Variants in ABI2 observed in about 807,000 individuals in gnomAD.
ABI2 encodes abl interactor 2, also known as abelson interactor 2.
Under a neutral mutation model 59.2 loss-of-function variants are expected in ABI2, and 25 were observed. That is an observed-to-expected ratio of 0.42 (90% CI 0.31 to 0.59). ABI2 has a LOEUF of 0.59. Among genes scored for constraint, ABI2 ranks in the 20% least tolerant of loss-of-function variants. The pLI, the probability that ABI2 is intolerant of heterozygous loss-of-function variation, is 0.14. For missense variants in ABI2, 545 were observed against 681.8 expected, an observed-to-expected ratio of 0.80 and a Z score of 2.23; for synonymous variants, 213 against 235.5, an observed-to-expected ratio of 0.90 and a Z score of 0.87.
intron 2 of ABI2, among the ~76,000 whole-genome samples, chr2:203,378,268 A>G (rs977062966): frequency 1.3e-5 from 2 of 151,944 alleles, no homozygotes; most frequent in East Asian, 1.9e-4. Flanking sequence ...ACCCGCCACC[A>G]TGCCCGGCTA....
chr2:203,406,494 G>C (rs998027), intron 9 of ABI2, among the ~76,000 whole-genome samples: 112,063 of 152,036 alleles, frequency 0.74, 42,419 homozygotes, highest in Middle Eastern at 0.87. Context: ...TTTTAAAAGC[G>C]ACTAAAAAAA....
At chr2:203,362,433 T>C (rs2093645662) in intron 1 of ABI2, among the ~76,000 whole-genome samples, 1 of 152,342 alleles carries the variant, frequency 6.6e-6, no homozygotes, top group Non-Finnish European at 1.5e-5. Context: ...TTCATGTAAT[T>C]GGGAGTGTAT....
intron 6 of ABI2, among the ~76,000 whole-genome samples, chr2:203,395,423 T>C (rs1367395293): frequency 1.1e-5 from 1 of 87,044 alleles, no homozygotes; most frequent in Non-Finnish European, 2.6e-5. Context: ...TCAACTTTAT[T>C]AATAAGTAAA....
chr2:203,406,084 C>G (rs180928781), intron 9 of ABI2, among the ~76,000 whole-genome samples: 1 of 152,126 alleles, frequency 6.6e-6, no homozygotes, highest in Non-Finnish European at 1.5e-5. Flanking sequence ...ATAGGAATAC[C>G]AATTTATCAT....
intron 1 of ABI2, among the ~76,000 whole-genome samples, chr2:203,354,044 T>C (rs564402661): frequency 6.6e-6 from 1 of 152,216 alleles, no homozygotes; most frequent in South Asian, 2.1e-4. Context: ...GATTAGATTT[T>C]ATTTATTTAT....
intron 8 of ABI2, among the ~76,000 whole-genome samples, chr2:203,400,079 CTTTTTTTTTTTTTT>C (rs10581610): frequency 1.0e-4 from 6 of 59,548 alleles, no homozygotes; most frequent in East Asian, 5.6e-4. Context: ...TGAATAGTGT[CTTTTTTTTTTTTTT>C]TTTTTTTTTT....
chr2:203,338,958 ATATAAAT>A (rs2078033946), intron 1 of ABI2, among the ~76,000 whole-genome samples: 3 of 5,950 alleles, frequency 5.0e-4, no homozygotes, highest in African/African-American at 1.5e-3. Context: ...ATATATATAT[ATATAAAT>A]ATATATATAT....
intron 1 of ABI2, among the ~76,000 whole-genome samples, chr2:203,365,424 T>A (rs1034225574): frequency 1.3e-5 from 2 of 152,204 alleles, no homozygotes; most frequent in African/African-American, 4.8e-5. Context: ...ACATGAATAT[T>A]CTTGTCTGTA....
intron 1 of ABI2, among the ~76,000 whole-genome samples, chr2:203,364,698 T>C (rs180918039): frequency 1.3e-5 from 2 of 152,260 alleles, no homozygotes; most frequent in Admixed American, 1.3e-4. Flanking sequence ...TTAAAGTTTC[T>C]ATTCTTTTAT....
intron 2 of ABI2, among the ~76,000 whole-genome samples, chr2:203,376,450 C>T (rs1045816636): frequency 5.3e-5 from 8 of 152,148 alleles, no homozygotes; most frequent in Admixed American, 5.2e-4. Flanking sequence ...TATAGCCAAA[C>T]TAAATTATTT....
rs1285374685 is a variant in ABI2 at position 203,328,475 on chromosome 2, C to T, written c.-40C>T. 3.9e-6 allele frequency: 6 copies of T among 1,525,866 alleles called. No individual in the cohort carries two copies. The highest frequency in any genetic ancestry group is 1.2e-5 in the South Asian group (1 of 84,698). 94.5% of individuals were successfully genotyped at this position (1,525,866 alleles called of 1,614,324 possible). ...CTTGGCGCTGCGGCCGCCGCTCCCT[C>T]TGCGACCTGTATGAGGAGGAGGAGG... On this transcript the variant is annotated 5_prime_UTR_variant, in exon 1 of 12. Coordinates refer to ENST00000261018, the MANE Select transcript of ABI2 (RefSeq NM_001375670.1).
intron 11 of ABI2, among the ~76,000 whole-genome samples, chr2:203,423,760 T>A (rs1002454575): frequency 6.6e-6 from 1 of 152,224 alleles, no homozygotes; most frequent in Non-Finnish European, 1.5e-5. Context: ...ACCATTATTC[T>A]TTGCTTATCT....
chr2:203,350,479 A>G (rs548015899), intron 1 of ABI2, among the ~76,000 whole-genome samples: 3 of 151,608 alleles, frequency 2.0e-5, no homozygotes, highest in African/African-American at 7.3e-5. Flanking sequence ...TCTCCCTAGT[A>G]GCTAGGACTA....
chr2:203,373,492 G>A (rs939393455), intron 2 of ABI2, among the ~76,000 whole-genome samples: 2 of 150,176 alleles, frequency 1.3e-5, no homozygotes, highest in African/African-American at 5.0e-5. Flanking sequence ...GTGGGGAGAG[G>A]GAGAGGGAGA....
chr2:203,333,034 TCTC>T (rs1374505020), intron 1 of ABI2, among the ~76,000 whole-genome samples: 1 of 152,192 alleles, frequency 6.6e-6, no homozygotes, highest in Non-Finnish European at 1.5e-5. Flanking sequence ...TTCCTTTTCT[TCTC>T]TTAATCAATG....
intron 11 of ABI2, among the ~76,000 whole-genome samples, chr2:203,423,890 A>G (rs146698450): frequency 0.016 from 2,390 of 152,350 alleles, 26 homozygotes; most frequent in Non-Finnish European, 0.024. Flanking sequence ...AATGTATTCA[A>G]TTGAAATGCT....
chr2:203,359,880 G>T (rs1248662586), intron 1 of ABI2, among the ~76,000 whole-genome samples: 2 of 151,954 alleles, frequency 1.3e-5, no homozygotes, highest in Non-Finnish European at 2.9e-5. Context: ...CTATAGCAAT[G>T]AATATTTAGA....
chr2:203,330,561 G>A (rs937339370), intron 1 of ABI2, among the ~76,000 whole-genome samples: 1 of 152,122 alleles, frequency 6.6e-6, no homozygotes, highest in Non-Finnish European at 1.5e-5. Flanking sequence ...TGCACTGCTG[G>A]TACCAAGGAG....
intron 8 of ABI2, among the ~76,000 whole-genome samples, chr2:203,399,082 T>A (rs562468998): frequency 3.9e-5 from 6 of 152,168 alleles, no homozygotes; most frequent in African/African-American, 1.4e-4. Context: ...ATTGCTGGGT[T>A]ATATTGTAAG....
Sources: gnomAD v4.1 joint callset for allele counts (sites outside exome capture counted in the v4.1 genomes callset) on GRCh38, gnomAD v4.1.1 for gene constraint, MANE v1.5 for transcripts, NCBI Gene and HGNC (gene_info 2026-07-23, HGNC 2026-07-21) for gene names.